Variants in MAGI2 observed in about 807,000 individuals in gnomAD.
MAGI2 encodes the protein membrane-associated guanylate kinase, WW and PDZ domain-containing protein 2.
In MAGI2, 35 loss-of-function variants were observed where a neutral mutation model predicts 133.3. The observed-to-expected ratio is 0.26, with a 90% CI of 0.20 to 0.35. The LOEUF (loss-of-function observed/expected upper bound fraction) is 0.35, where lower values mean the gene tolerates loss of function less well. Among genes scored for constraint, MAGI2 ranks in the 10% least tolerant of loss-of-function variants. MAGI2 has a pLI of 1.00. For missense variants in MAGI2, 1,636 were observed against 1,863.4 expected, an observed-to-expected ratio of 0.88 and a Z score of 2.25; for synonymous variants, 729 against 710.6, an observed-to-expected ratio of 1.03 and a Z score of -0.41.
At chr7:78,492,231 T>G (rs1318617279) in intron 5 of MAGI2, among the ~76,000 whole-genome samples, 1 of 152,130 alleles carries the variant, frequency 6.6e-6, no homozygotes, top group Non-Finnish European at 1.5e-5. Context: ...ATAAAGCATT[T>G]CATTACAGGC....
At chr7:79,044,111 G>A (rs1811948325) in intron 1 of MAGI2, among the ~76,000 whole-genome samples, 3 of 151,984 alleles carry the variant, frequency 2.0e-5, no homozygotes, top group African/African-American at 4.8e-5. Flanking sequence ...AAAACCTGTA[G>A]AGATACAACA....
chr7:78,710,917 A>T (rs974827274), intron 2 of MAGI2, among the ~76,000 whole-genome samples: 1 of 152,192 alleles, frequency 6.6e-6, no homozygotes, highest in Non-Finnish European at 1.5e-5. Flanking sequence ...GAAAATACTT[A>T]AACAACTTTA....
intron 2 of MAGI2, among the ~76,000 whole-genome samples, chr7:78,766,487 A>G (rs560771381): frequency 1.4e-4 from 21 of 152,314 alleles, no homozygotes; most frequent in Admixed American, 2.0e-4. Flanking sequence ...CTGAGCTACA[A>G]TGCTTCAACT....
intron 1 of MAGI2, chr7:79,353,353 G>C (rs1585677113): frequency 2.3e-6 from 1 of 426,362 alleles, no homozygotes; most frequent in East Asian, 7.0e-5. Flanking sequence ...TTTCTCTTCA[G>C]TCATGGAGGA....
intron 1 of MAGI2, among the ~76,000 whole-genome samples, chr7:79,315,191 C>A (rs1838611717): frequency 6.9e-6 from 1 of 144,344 alleles, no homozygotes; most frequent in South Asian, 2.2e-4. Context: ...GGTGAAGTCT[C>A]GCTGTTTTCC....
intron 2 of MAGI2, among the ~76,000 whole-genome samples, chr7:78,663,668 C>G (rs777861075): frequency 6.6e-6 from 1 of 152,104 alleles, no homozygotes; most frequent in South Asian, 2.1e-4. Context: ...GCACGATTAC[C>G]ATGTCAATGG....
At chr7:78,477,666 G>T (rs1791916919) in intron 6 of MAGI2, among the ~76,000 whole-genome samples, 1 of 151,888 alleles carries the variant, frequency 6.6e-6, no homozygotes, top group Non-Finnish European at 1.5e-5. Flanking sequence ...CAGTTTAGGG[G>T]AAACCGCCCC....
rs916532963 is a variant in MAGI2, at chr7:79,048,870, C to G, written c.302-41664G>C. 5.5e-4 allele frequency among the ~76,000 whole-genome samples: 83 copies of G among 152,266 alleles called. 1 individual carries two copies. Among genetic ancestry groups the G allele is most frequent in the African/African-American group, 1.9e-3 (81 of 41,568 alleles). On this transcript the variant is annotated intron_variant, in intron 1 of 21. Transcript: ENST00000354212. ...ATGCCTGGTGGTGCATGCCTGTAAT[C>G]CCAGCTACTTGGAGGGCTGAGGCAG... is the stretch of plus-strand genomic sequence containing the variant.
At chr7:79,340,839 C>T (rs1840842131) in intron 1 of MAGI2, among the ~76,000 whole-genome samples, 1 of 152,034 alleles carries the variant, frequency 6.6e-6, no homozygotes, top group African/African-American at 2.4e-5. Flanking sequence ...CTGATACAAA[C>T]TTGCATCCCT....
At chr7:78,908,022 G>C (rs1031276527) in intron 2 of MAGI2, among the ~76,000 whole-genome samples, 1 of 152,152 alleles carries the variant, frequency 6.6e-6, no homozygotes, top group African/African-American at 2.4e-5. Context: ...AGGAGGAGAG[G>C]AGATGATGTC....
intron 2 of MAGI2, among the ~76,000 whole-genome samples, chr7:78,860,817 G>A (rs1034207171): frequency 5.3e-5 from 8 of 152,196 alleles, no homozygotes. Flanking sequence ...TCTGCCTTTT[G>A]TTCAGCTATG....
chr7:78,626,710 A>G (rs1808387700), intron 3 of MAGI2, among the ~76,000 whole-genome samples: 1 of 152,046 alleles, frequency 6.6e-6, no homozygotes, highest in African/African-American at 2.4e-5. Flanking sequence ...CCACACAGGG[A>G]TAATGACAGG....
intron 2 of MAGI2, among the ~76,000 whole-genome samples, chr7:78,875,146 G>T (rs531567060): frequency 6.6e-6 from 1 of 152,198 alleles, no homozygotes; most frequent in Admixed American, 6.5e-5. Context: ...ACAAGTGACA[G>T]ATGTAAGGGG....
At chr7:79,389,003 G>A (rs1777213951) in intron 1 of MAGI2, among the ~76,000 whole-genome samples, 1 of 151,844 alleles carries the variant, frequency 6.6e-6, no homozygotes, top group African/African-American at 2.4e-5. Flanking sequence ...AAACGTCAAA[G>A]TTTTACTGTG....
chr7:78,081,031 C>T (rs4727606), intron 20 of MAGI2, among the ~76,000 whole-genome samples: 17,332 of 152,206 alleles, frequency 0.11, 1,451 homozygotes, highest in East Asian at 0.44. Flanking sequence ...GTCATGCTGA[C>T]TGAAGCATTC....
intron 5 of MAGI2, among the ~76,000 whole-genome samples, chr7:78,495,230 T>C (rs1489607338): frequency 6.6e-6 from 1 of 152,062 alleles, no homozygotes; most frequent in Non-Finnish European, 1.5e-5. Flanking sequence ...GTCATCCACA[T>C]TAGGTATTTT....
intron 3 of MAGI2, among the ~76,000 whole-genome samples, chr7:78,525,959 G>A (rs1264364437): frequency 6.6e-6 from 1 of 152,126 alleles, no homozygotes; most frequent in African/African-American, 2.4e-5. Context: ...GATATATGAC[G>A]TGACTAGATC....
intron 6 of MAGI2, among the ~76,000 whole-genome samples, chr7:78,464,024 A>G (rs1790356084): frequency 6.6e-6 from 1 of 152,172 alleles, no homozygotes; most frequent in South Asian, 2.1e-4. Flanking sequence ...CAAAGGTTGT[A>G]AGAGATAACA....
At chr7:79,049,990 G>T (rs572183123) in intron 1 of MAGI2, among the ~76,000 whole-genome samples, 7 of 151,958 alleles carry the variant, frequency 4.6e-5, no homozygotes, top group Admixed American at 1.3e-4. Context: ...TGCTGTGTTC[G>T]CTGGCTGTTA....
Sources: gnomAD v4.1 joint callset for allele counts (sites outside exome capture counted in the v4.1 genomes callset) on GRCh38, gnomAD v4.1.1 for gene constraint, MANE v1.5 for transcripts, NCBI Gene and HGNC (gene_info 2026-07-23, HGNC 2026-07-21) for gene names.